HMCN1: variants seen among roughly 807,000 people sequenced by gnomAD.
HMCN1 encodes the protein hemicentin 1, also known as hemicentin-1.
HMCN1 carries 321 observed loss-of-function variants against 625.9 expected under a neutral mutation model. That is an observed-to-expected ratio of 0.51 (90% CI 0.47 to 0.56). HMCN1 has a LOEUF of 0.56. Among genes scored for constraint, HMCN1 ranks in the 20% least tolerant of loss-of-function variants. The pLI is 0.00. For synonymous variants in HMCN1, 2,425 were observed against 2,417.6 expected (o/e 1.00, Z -0.09); for missense variants, 6,588 against 6,887.3 (o/e 0.96, Z 1.54).
chr1:185,799,360 C>T (rs1658629109), intron 1 of HMCN1, among the ~76,000 whole-genome samples: 1 of 152,078 alleles, frequency 6.6e-6, no homozygotes, highest in African/African-American at 2.4e-5. Flanking sequence ...TCTCTGGTAC[C>T]TTAGGCAGTG....
chr1:186,041,185 T>C, intron 40 of HMCN1, 49 bp downstream of exon 40: 1 of 1,544,728 alleles, frequency 6.5e-7, no homozygotes. Context: ...TATGTTTGGG[T>C]CCTAAAATCA....
In HMCN1 at chr1:186,087,574, C is replaced by T. The variant is rs1002862471; in HGVS notation, c.9292C>T (p.Arg3098Trp). 7.4e-6 allele frequency: 12 copies of T among 1,613,084 alleles called. No individual in the cohort carries two copies. The highest frequency in any genetic ancestry group is 3.3e-5 in the Admixed American group (2 of 59,924). The change falls in exon 60 of 107, where the codon CGG becomes TGG. Residue 3098 changes from arginine to tryptophan, a missense_variant. Coordinates refer to ENST00000271588, the MANE Select transcript of HMCN1 (RefSeq NM_031935.3). ...AGTCATCACTTGGTATAAGAATGGG[C>T]GGATGATAACAGAGTCTACTCATGT... Reference protein sequence around the residue: ...PPVITWYKNGRMITESTHVEI... With the variant: ...PPVITWYKNGWMITESTHVEI...
chr1:185,911,699 C>A lies in HMCN1; in HGVS notation c.819C>A (p.Gly273=). The part of the protein sequence containing the change: ...PLGKLIKKGF[G]LHELLNIHNS... ...GGAAGCTGATAAAAAAGGGATTTGG[C>A]CTGCATGAGCTATTAAATATCCATA... Residue 273 remains glycine (G), a synonymous_variant, in exon 6 of 107, where the codon GGC becomes GGA. Transcript: ENST00000271588. 1 of 1,612,898 alleles carries A rather than the reference C, an allele frequency of 6.2e-7. No homozygotes were observed. Among genetic ancestry groups the A allele is most frequent in the Non-Finnish European group, 8.5e-7 (1 of 1,179,068 alleles).
chr1:185,906,873 TC>T (rs1475500574), intron 4 of HMCN1, among the ~76,000 whole-genome samples: 1 of 151,766 alleles, frequency 6.6e-6, no homozygotes, highest in Admixed American at 6.6e-5. Context: ...AGTCTCCATA[TC>T]AGGCATTATC....
chr1:185,954,730 C>G (rs1293903724), intron 11 of HMCN1, among the ~76,000 whole-genome samples: 1 of 152,164 alleles, frequency 6.6e-6, no homozygotes, highest in Non-Finnish European at 1.5e-5. Flanking sequence ...GACTGGCAGT[C>G]AGGGCACTTA....
At chr1:185,787,666 A>G (rs974888313) in intron 1 of HMCN1, among the ~76,000 whole-genome samples, 49 of 152,214 alleles carry the variant, frequency 3.2e-4, no homozygotes, top group African/African-American at 1.2e-3. Flanking sequence ...TAAGTTAACA[A>G]AGTGCTAGAA....
intron 1 of HMCN1, among the ~76,000 whole-genome samples, chr1:185,806,606 AT>A (rs1461903411): frequency 4.7e-5 from 7 of 147,806 alleles, no homozygotes; most frequent in Admixed American, 1.3e-4. Flanking sequence ...ATTATCTTTG[AT>A]TTTTTTCTTT....
intron 68 of HMCN1, among the ~76,000 whole-genome samples, chr1:186,098,555 A>G (rs973179804): frequency 6.6e-5 from 10 of 152,122 alleles, no homozygotes; most frequent in Admixed American, 6.6e-4. Flanking sequence ...GTCGGCAAGG[A>G]TGTGGAGAAA....
intron 1 of HMCN1, among the ~76,000 whole-genome samples, chr1:185,832,026 T>G (rs542908183): frequency 6.6e-6 from 1 of 152,314 alleles, no homozygotes; most frequent in Admixed American, 6.5e-5. Context: ...CCGGGCGTGG[T>G]GGCTCACGCC....
intron 97 of HMCN1, among the ~76,000 whole-genome samples, chr1:186,159,348 A>G (rs1057357947): frequency 6.6e-6 from 1 of 152,214 alleles, no homozygotes; most frequent in Non-Finnish European, 1.5e-5. Flanking sequence ...CTAGATGTAC[A>G]ATCATGTCAT....
chr1:185,952,513 G>T (rs1649278470), intron 11 of HMCN1, among the ~76,000 whole-genome samples: 1 of 151,792 alleles, frequency 6.6e-6, no homozygotes, highest in Non-Finnish European at 1.5e-5. Flanking sequence ...GGACTGATGT[G>T]TAAAAGAATG....
chr1:186,015,913 G>A (rs1341482604), intron 31 of HMCN1, 45 bp from the exon 32 acceptor site: 1 of 1,551,270 alleles, frequency 6.4e-7, no homozygotes, highest in South Asian at 1.1e-5. Context: ...TGTATTTTGT[G>A]ACCACACAAA....
chr1:185,784,193 C>T (rs1420332853), intron 1 of HMCN1, among the ~76,000 whole-genome samples: 3 of 152,336 alleles, frequency 2.0e-5, no homozygotes, highest in African/African-American at 7.2e-5. Flanking sequence ...TTTGCTAAGA[C>T]CATTGGAAAA....
At chr1:185,916,761 A>C (rs1163798164) in intron 6 of HMCN1, among the ~76,000 whole-genome samples, 1 of 152,176 alleles carries the variant, frequency 6.6e-6, no homozygotes, top group African/African-American at 2.4e-5. Flanking sequence ...CCCTGGCTTA[A>C]TACAAGAAAG....
chr1:185,800,928 G>A (rs1298190111), intron 1 of HMCN1, among the ~76,000 whole-genome samples: 1 of 152,136 alleles, frequency 6.6e-6, no homozygotes, highest in Admixed American at 6.5e-5. Flanking sequence ...TATTAAAGAA[G>A]TGTTTGTACT....
intron 2 of HMCN1, among the ~76,000 whole-genome samples, chr1:185,856,957 T>C (rs1341502991): frequency 6.6e-6 from 1 of 152,210 alleles, no homozygotes; most frequent in Non-Finnish European, 1.5e-5. Context: ...TCATTTTTTT[T>C]CCAACTCCTC....
chr1:185,900,935 A>G (rs1297346015), intron 4 of HMCN1, among the ~76,000 whole-genome samples: 1 of 151,950 alleles, frequency 6.6e-6, no homozygotes, highest in Non-Finnish European at 1.5e-5. Context: ...GTGCAAACCA[A>G]CAGGAAAGCA....
rs185727184 is a variant in HMCN1 at position 185,853,132 on chromosome 1, T to C, written c.339+7036T>C. Among the ~76,000 whole-genome samples the C allele has an allele frequency of 1.4e-4, 21 of 152,264 alleles. No homozygotes were observed. The East Asian group carries it at 1.7e-3, about 13-fold the overall frequency. On this transcript the variant is annotated intron_variant, in intron 2 of 106. Coordinates refer to ENST00000271588, the MANE Select transcript of HMCN1 (RefSeq NM_031935.3). Reference sequence around the variant, plus strand: ...TTTATTTATATAATTTGTATGTTACTTCAAAGTAGGAAAGTAAAGAATTAA... The same window carrying C: ...TTTATTTATATAATTTGTATGTTACCTCAAAGTAGGAAAGTAAAGAATTAA...
At chr1:185,859,890 C>T (rs1171382235) in intron 2 of HMCN1, among the ~76,000 whole-genome samples, 5 of 152,004 alleles carry the variant, frequency 3.3e-5, no homozygotes, top group South Asian at 4.2e-4. Flanking sequence ...AGCCTGGTCG[C>T]GAACTCCTGA....
Sources: gnomAD v4.1 joint callset for allele counts (sites outside exome capture counted in the v4.1 genomes callset) on GRCh38, gnomAD v4.1.1 for gene constraint, MANE v1.5 for transcripts, NCBI Gene and HGNC (gene_info 2026-07-23, HGNC 2026-07-21) for gene names.